Variants in SPRYD7 observed in about 807,000 individuals in gnomAD.
SPRYD7 encodes the protein SPRY domain-containing protein 7.
Under a neutral mutation model 23.8 loss-of-function variants are expected in SPRYD7, and 14 were observed. The observed-to-expected ratio is 0.59, with a 90% CI of 0.39 to 0.92. The LOEUF (loss-of-function observed/expected upper bound fraction) is 0.92. SPRYD7 is among the 40% of genes least tolerant of loss of function. SPRYD7 has a pLI of 0.00. For missense variants in SPRYD7, 194 were observed against 241.7 expected (o/e 0.80, Z 1.31); for synonymous variants, 75 against 84.9 (o/e 0.88, Z 0.64).
chr13:49,915,268 A>G (rs918477596), intron 4 of SPRYD7, 108 bp from the exon 5 acceptor site: 23 of 452,522 alleles, frequency 5.1e-5, no homozygotes, highest in African/African-American at 4.3e-4. Context: ...TACAATATTA[A>G]TAGGTAAGAA....
chr13:49,934,555 C>CAAAAA (rs889803067), intron 1 of SPRYD7, among the ~76,000 whole-genome samples: 114 of 51,216 alleles, frequency 2.2e-3, no homozygotes, highest in Middle Eastern at 8.8e-3. Flanking sequence ...AACTCCGTCT[C>CAAAAA]AAAAAAAAAA....
rs1036974893 is a variant in SPRYD7, at chr13:49,913,063, C to T, written c.*2000G>A. 1 of 152,132 alleles carries T rather than the reference C, an allele frequency of 6.6e-6. No individual in the cohort carries two copies. The allele number at this position is 152,132 out of a possible 1,614,324, so 9.4% of individuals were successfully genotyped here. ...TGATTTGGTGGGTCTGGTGTGGGTTCTGAGAGTGTCCATTTTTAACAAGTT... is the reference window on the plus strand; with the variant it reads ...TGATTTGGTGGGTCTGGTGTGGGTTTTGAGAGTGTCCATTTTTAACAAGTT... On this transcript the variant is annotated 3_prime_UTR_variant, in exon 5 of 5. Coordinates refer to ENST00000361840, the MANE Select transcript of SPRYD7 (RefSeq NM_020456.4).
intron 4 of SPRYD7, among the ~76,000 whole-genome samples, chr13:49,920,445 C>A (rs1428178426): frequency 6.6e-6 from 1 of 152,106 alleles, no homozygotes; most frequent in Non-Finnish European, 1.5e-5. Context: ...CCTGGCCATG[C>A]AATCATTCCC....
intron 4 of SPRYD7, among the ~76,000 whole-genome samples, chr13:49,917,522 G>T (rs1955766499): frequency 6.6e-6 from 1 of 152,148 alleles, no homozygotes; most frequent in Non-Finnish European, 1.5e-5. Context: ...AGGGATGGAA[G>T]ACAAAAGAGT....
intron 4 of SPRYD7, among the ~76,000 whole-genome samples, chr13:49,918,838 C>G (rs559777548): frequency 4.7e-4 from 72 of 152,032 alleles, no homozygotes; most frequent in Middle Eastern, 3.4e-3. Flanking sequence ...TCTCAGCCTC[C>G]CATGTAACTG....
intron 4 of SPRYD7, among the ~76,000 whole-genome samples, chr13:49,919,634 C>T (rs1004585405): frequency 7.6e-5 from 11 of 145,544 alleles, no homozygotes; most frequent in African/African-American, 1.8e-4. Context: ...GGCTGAGGCA[C>T]GAGAATATCT....
intron 4 of SPRYD7, among the ~76,000 whole-genome samples, chr13:49,917,490 A>G (rs1291005487): frequency 6.6e-6 from 1 of 152,192 alleles, no homozygotes; most frequent in Non-Finnish European, 1.5e-5. Flanking sequence ...GACAAAATGA[A>G]TGATTGGATT....
At chr13:49,928,465 A>G (rs1455532700) in intron 2 of SPRYD7, among the ~76,000 whole-genome samples, 1 of 152,218 alleles carries the variant, frequency 6.6e-6, no homozygotes, top group Middle Eastern at 3.2e-3. Flanking sequence ...AAATAAAAGT[A>G]GTTTGCAAAC....
At chr13:49,916,366 GA>G (rs993904273) in intron 4 of SPRYD7, among the ~76,000 whole-genome samples, 1 of 151,902 alleles carries the variant, frequency 6.6e-6, no homozygotes, top group Non-Finnish European at 1.5e-5. Flanking sequence ...CATAAATGCA[GA>G]AAAAAATGTA....
At chr13:49,921,454 T>G (rs1452300017) in intron 4 of SPRYD7, 24 bp downstream of exon 4, 11 of 1,414,046 alleles carry the variant, frequency 7.8e-6, no homozygotes, top group Non-Finnish European at 9.0e-6. Context: ...TATGTAATAA[T>G]ACATTAGAAA....
chr13:49,920,249 G>A (rs916343891), intron 4 of SPRYD7, among the ~76,000 whole-genome samples: 5 of 149,406 alleles, frequency 3.3e-5, no homozygotes, highest in Admixed American at 6.7e-5. Context: ...AGACTCTGTC[G>A]CAAAACAAAA....
At chr13:49,936,108 C>A in intron 1 of SPRYD7, 22 bp downstream of exon 1, 2 of 1,531,886 alleles carry the variant, frequency 1.3e-6, no homozygotes, top group East Asian at 2.6e-5. Context: ...GCCGTTGGGT[C>A]TGGGGAAGGG....
chr13:49,930,042 G>C (rs191532387), intron 2 of SPRYD7, among the ~76,000 whole-genome samples: 1 of 152,118 alleles, frequency 6.6e-6, no homozygotes, highest in Admixed American at 6.5e-5. Flanking sequence ...TGCCCACCTC[G>C]GCCTCCCAAA....
chr13:49,913,740 A>T lies in SPRYD7; in HGVS notation c.*1323T>A, dbSNP rs1955719917. On this transcript the variant is annotated 3_prime_UTR_variant, in exon 5 of 5. Transcript: ENST00000361840. ...CCAGGGTTTCACCATGTTAGCCACG[A>T]TGGTCTCGATCTCCTGACCTTGTGA... The T allele has an allele frequency of 6.6e-6, 1 of 152,000 alleles. No homozygotes were observed. The highest frequency in any genetic ancestry group is 2.4e-5 in the African/African-American group (1 of 41,392). 9.4% of individuals were successfully genotyped at this position (152,000 alleles called of 1,614,324 possible).
intron 3 of SPRYD7, among the ~76,000 whole-genome samples, chr13:49,924,800 CCT>C (rs1477650975): frequency 6.0e-5 from 9 of 150,540 alleles, no homozygotes; most frequent in Admixed American, 4.7e-4. Context: ...ATGGTGAAAC[CCT>C]GTCTCTACTA....
In SPRYD7 at chr13:49,931,153, C is replaced by T. The variant is rs750637905; in HGVS notation, c.107-19G>A. 1 of 1,441,876 alleles carries T rather than the reference C, an allele frequency of 6.9e-7. No homozygotes were observed. The allele number at this position is 1,441,876 out of a possible 1,614,324, so 89.3% of individuals were successfully genotyped here. On this transcript the variant is annotated intron_variant, in intron 1 of 4. Transcript: ENST00000361840. ...TCTGTTCCTAAACAAAAAATGCAGACACTATGTAAAGTTTTGTATTTTCTT... is the reference window on the plus strand; with the variant it reads ...TCTGTTCCTAAACAAAAAATGCAGATACTATGTAAAGTTTTGTATTTTCTT...
At chr13:49,920,799 A>G (rs1014223230) in intron 4 of SPRYD7, among the ~76,000 whole-genome samples, 3 of 152,046 alleles carry the variant, frequency 2.0e-5, no homozygotes, top group Non-Finnish European at 4.4e-5. Context: ...CATCTCTACT[A>G]AAAATACAAA....
rs567926692 is a variant in SPRYD7, at chr13:49,913,046, T to C, written c.*2017A>G. 2.6e-5 allele frequency: 4 copies of C among 152,134 alleles called. No homozygotes were observed. In the South Asian group the frequency reaches 8.3e-4, roughly 32 times the overall value. 9.4% of individuals were successfully genotyped at this position (152,134 alleles called of 1,614,324 possible). ...AATGGCAGTTCTCAAACTGATTTGG[T>C]GGGTCTGGTGTGGGTTCTGAGAGTG... On this transcript the variant is annotated 3_prime_UTR_variant, in exon 5 of 5. Coordinates refer to ENST00000361840, the MANE Select transcript of SPRYD7 (RefSeq NM_020456.4).
intron 4 of SPRYD7, 31 bp from the exon 5 acceptor site, chr13:49,915,191 T>C (rs754231375): frequency 1.6e-5 from 17 of 1,044,882 alleles, no homozygotes; most frequent in Non-Finnish European, 2.4e-5. Context: ...GAAAATAAAT[T>C]AGAAGCAAAT....
Sources: allele counts gnomAD v4.1 joint callset (sites outside exome capture counted in the v4.1 genomes callset), GRCh38; gene constraint gnomAD v4.1.1; transcripts MANE v1.5; gene names NCBI Gene and HGNC (gene_info 2026-07-23, HGNC 2026-07-21).